The following CWC15 variants were observed in gnomAD, a reference collection of about 807,000 sequenced individuals.
CWC15 encodes the protein spliceosome-associated protein CWC15 homolog.
In CWC15, 12 loss-of-function variants were observed where a neutral mutation model predicts 28.4. That is an observed-to-expected ratio of 0.42 (90% CI 0.27 to 0.69). The LOEUF (loss-of-function observed/expected upper bound fraction) is 0.69, where lower values mean the gene tolerates loss of function less well. Among genes scored for constraint, CWC15 ranks in the 30% least tolerant of loss-of-function variants. The pLI is 0.23. For synonymous variants in CWC15, 92 were observed against 88.4 expected (o/e 1.04, Z -0.23); for missense variants, 192 against 271.5 (o/e 0.71, Z 2.06).
At chr11:94,966,226 T>TATACAC (rs1423710883) in intron 6 of CWC15, 69 bp downstream of exon 6, 196 of 670,762 alleles carry the variant, frequency 2.9e-4, no homozygotes, top group South Asian at 1.4e-3. Context: ...CATACACATA[T>TATACAC]ACACACACAC....
chr11:94,970,955 G>A (rs1461146804), intron 4 of CWC15, 22 bp downstream of exon 4: 3 of 1,558,632 alleles, frequency 1.9e-6, no homozygotes, highest in Non-Finnish European at 2.7e-6. Flanking sequence ...TATTAGAGAT[G>A]AAAGGAGGAA....
In CWC15 at chr11:94,970,051, C is replaced by T; in HGVS notation, c.379G>A (p.Ala127Thr). The change falls in exon 5 of 7, where the codon GCA becomes ACA. Residue 127 changes from alanine to threonine, a missense_variant. Physicochemically the swap from Ala to Thr is moderately conservative, Grantham distance 58 (BLOSUM62 0). This residue lies in a region of CWC15 where 188 missense variants were observed against 250.3 expected (regional missense o/e 0.75). Coordinates refer to ENST00000279839, the MANE Select transcript of CWC15 (RefSeq NM_016403.4). Reference sequence around the variant, plus strand: ...TTTTCCAGTTCTGCAAGAAGAGCTGCAGTATCATCATCATCACTTTCTTCT... The same window carrying T: ...TTTTCCAGTTCTGCAAGAAGAGCTGTAGTATCATCATCATCACTTTCTTCT... ...FEEESDDDDTAALLAELEKIK... is the reference protein window; with the variant it reads ...FEEESDDDDTTALLAELEKIK... 1 of 1,572,908 alleles carries T rather than the reference C, an allele frequency of 6.4e-7. No individual in the cohort carries two copies. The highest frequency in any genetic ancestry group is 8.6e-7 in the Non-Finnish European group (1 of 1,157,740).
chr11:94,968,009 C>T (rs1282891205), intron 5 of CWC15, among the ~76,000 whole-genome samples: 1 of 152,120 alleles, frequency 6.6e-6, no homozygotes, highest in Admixed American at 6.5e-5. Flanking sequence ...GAATGATTGC[C>T]ACACAGAGCA....
intron 5 of CWC15, among the ~76,000 whole-genome samples, chr11:94,967,054 T>TC (rs1857656359): frequency 1.3e-5 from 2 of 150,580 alleles, no homozygotes; most frequent in Non-Finnish European, 3.0e-5. Context: ...AGTTTTTCTT[T>TC]TTTTTTTTTT....
intron 5 of CWC15, among the ~76,000 whole-genome samples, chr11:94,968,032 G>A (rs1363004726): frequency 6.6e-6 from 1 of 152,194 alleles, no homozygotes; most frequent in African/African-American, 2.4e-5. Context: ...AGGAAAAAAG[G>A]CATAAACTCT....
At chr11:94,968,751 C>A (rs587658363) in intron 5 of CWC15, among the ~76,000 whole-genome samples, 52 of 152,298 alleles carry the variant, frequency 3.4e-4, no homozygotes, top group Non-Finnish European at 5.9e-4. Flanking sequence ...CCAAATTCTA[C>A]CTGTTTTCTG....
chr11:94,964,285 A>G (rs984584094), intron 6 of CWC15, among the ~76,000 whole-genome samples: 1 of 151,902 alleles, frequency 6.6e-6, no homozygotes, highest in Non-Finnish European at 1.5e-5. Context: ...GTGTGTGTTT[A>G]TGTGTGCATG....
intron 4 of CWC15, 105 bp from the exon 5 acceptor site, chr11:94,970,201 T>C (rs1857700663): frequency 2.1e-6 from 1 of 468,022 alleles, no homozygotes; most frequent in Middle Eastern, 3.1e-4. Context: ...AACAATTTTA[T>C]GTAGCTCAAA....
intron 6 of CWC15, among the ~76,000 whole-genome samples, chr11:94,965,806 G>C (rs1283474717): frequency 6.6e-6 from 1 of 152,196 alleles, no homozygotes; most frequent in African/African-American, 2.4e-5. Context: ...ACAGAGCATA[G>C]TGACACCTGC....
At chr11:94,967,947 A>C (rs1404774066) in intron 5 of CWC15, among the ~76,000 whole-genome samples, 1 of 152,248 alleles carries the variant, frequency 6.6e-6, no homozygotes, top group Non-Finnish European at 1.5e-5. Context: ...TGTATGACAT[A>C]TAAAGGTTAT....
intron 1 of CWC15, among the ~76,000 whole-genome samples, chr11:94,972,476 C>T (rs1857736484): frequency 6.6e-6 from 1 of 152,096 alleles, no homozygotes; most frequent in Admixed American, 6.5e-5. Flanking sequence ...AGTCACCTGG[C>T]TTAACTTTGT....
intron 1 of CWC15, among the ~76,000 whole-genome samples, chr11:94,973,053 G>GA (rs1565415215): frequency 6.6e-6 from 1 of 151,466 alleles, no homozygotes; most frequent in East Asian, 1.9e-4. Context: ...TTTTTGGGGG[G>GA]GGGGCGATGC....
chr11:94,973,006 A>T (rs898739755), intron 1 of CWC15, among the ~76,000 whole-genome samples: 5 of 127,054 alleles, frequency 3.9e-5, no homozygotes, highest in African/African-American at 9.1e-5. Flanking sequence ...GTGTCGGAAA[A>T]GCAAGTGTGT....
intron 1 of CWC15, 122 bp from the exon 2 acceptor site, chr11:94,972,315 C>G (rs1471099028): frequency 1.0e-6 from 1 of 953,554 alleles, no homozygotes; most frequent in Non-Finnish European, 1.5e-6. Flanking sequence ...CCTGCTTAAT[C>G]TTCTTAAACA....
chr11:94,968,098 T>C (rs1857670239), intron 5 of CWC15, among the ~76,000 whole-genome samples: 2 of 152,240 alleles, frequency 1.3e-5, no homozygotes, highest in African/African-American at 4.8e-5. Context: ...AGTCATCAGA[T>C]GGCATGTAGG....
At chr11:94,968,038 A>T (rs1555095587) in intron 5 of CWC15, among the ~76,000 whole-genome samples, 1 of 152,068 alleles carries the variant, frequency 6.6e-6, no homozygotes, top group East Asian at 1.9e-4. Flanking sequence ...AAAGGCATAA[A>T]CTCTTTCTAT....
intron 1 of CWC15, among the ~76,000 whole-genome samples, chr11:94,973,041 AT>A (rs1191458289): frequency 5.1e-5 from 3 of 59,140 alleles, no homozygotes; most frequent in African/African-American, 1.8e-4. Context: ...AATTGGGAGG[AT>A]TTTTTGGGGG....
chr11:94,963,329 A>C lies in CWC15; in HGVS notation c.*56T>G. The stretch of plus-strand genomic sequence containing the variant: ...GAAAAGAAAAAAAAAACTCATAAAA[A>C]AAGTCAGAATGATCCTTTACGTTTT... On this transcript the variant is annotated 3_prime_UTR_variant, in exon 7 of 7. Transcript: ENST00000279839. 1 of 1,403,620 alleles carries C rather than the reference A, an allele frequency of 7.1e-7. No individual in the cohort carries two copies. Among genetic ancestry groups the C allele is most frequent in the South Asian group, 1.5e-5 (1 of 65,256 alleles). The allele number at this position is 1,403,620 out of a possible 1,614,324, so 86.9% of individuals were successfully genotyped here. A position where few individuals can be genotyped will look rare whatever the true frequency, so the allele number is the denominator to read the frequency against.
intron 6 of CWC15, among the ~76,000 whole-genome samples, chr11:94,965,737 C>T (rs935843102): frequency 6.6e-6 from 1 of 152,230 alleles, no homozygotes; most frequent in African/African-American, 2.4e-5. Context: ...GCACTGCACA[C>T]GTTGCTGCAC....
Sources: allele counts gnomAD v4.1 joint callset (sites outside exome capture counted in the v4.1 genomes callset), GRCh38; gene constraint gnomAD v4.1.1; regional missense constraint gnomAD v4.1.1; transcripts MANE v1.5; gene names NCBI Gene and HGNC (gene_info 2026-07-23, HGNC 2026-07-21).